MACROD2: variants seen among roughly 807,000 people sequenced by gnomAD.
MACROD2 encodes ADP-ribose glycohydrolase MACROD2.
In MACROD2, 36 loss-of-function variants were observed where a neutral mutation model predicts 70.4. The observed-to-expected ratio is 0.51, with a 90% CI of 0.39 to 0.68. MACROD2 has a LOEUF of 0.68. Ranked by LOEUF, MACROD2 falls within the 30% of genes least tolerant of loss-of-function variation. The probability of loss-of-function intolerance (pLI) is 0.00; values close to 1 mark genes in which losing one functional copy is unlikely to be tolerated. For missense variants in MACROD2, 496 were observed against 538.4 expected (o/e 0.92, Z 0.78); for synonymous variants, 172 against 178.8 (o/e 0.96, Z 0.30).
At chr20:15,675,670 A>G (rs907217006) in intron 8 of MACROD2, among the ~76,000 whole-genome samples, 1 of 152,230 alleles carries the variant, frequency 6.6e-6, no homozygotes, top group African/African-American at 2.4e-5. Context: ...GCAGTATATG[A>G]CTAAGGCACT....
intron 8 of MACROD2, among the ~76,000 whole-genome samples, chr20:15,568,315 C>T (rs2048334896): frequency 6.6e-6 from 1 of 152,194 alleles, no homozygotes; most frequent in African/African-American, 2.4e-5. Flanking sequence ...CTGTATACAA[C>T]ACATTGTTTT....
intron 2 of MACROD2, among the ~76,000 whole-genome samples, chr20:14,048,271 T>TA (rs1456961097): frequency 3.9e-5 from 6 of 152,166 alleles, no homozygotes; most frequent in Non-Finnish European, 8.8e-5. Flanking sequence ...GGAAGAAATG[T>TA]AACAATATGC....
At chr20:14,591,169 G>A (rs931438605) in intron 4 of MACROD2, among the ~76,000 whole-genome samples, 2 of 152,040 alleles carry the variant, frequency 1.3e-5, no homozygotes, top group Non-Finnish European at 2.9e-5. Context: ...TTGATTAGAG[G>A]AAAATTTTTT....
chr20:15,257,900 C>T (rs1335272854), intron 6 of MACROD2, among the ~76,000 whole-genome samples: 1 of 151,794 alleles, frequency 6.6e-6, no homozygotes, highest in Non-Finnish European at 1.5e-5. Context: ...ATGACAGCTC[C>T]CTGCGTGTTA....
chr20:15,341,707 A>G (rs2078111626), intron 6 of MACROD2, among the ~76,000 whole-genome samples: 1 of 152,182 alleles, frequency 6.6e-6, no homozygotes, highest in South Asian at 2.1e-4. Flanking sequence ...TGACTAGTAG[A>G]TTCTTACTGA....
chr20:14,530,982 C>T (rs747090945), intron 4 of MACROD2, among the ~76,000 whole-genome samples: 3 of 152,168 alleles, frequency 2.0e-5, no homozygotes, highest in Admixed American at 6.5e-5. Context: ...AGCATTTTCT[C>T]CACTTATTCT....
chr20:15,164,383 G>C (rs1002079035), intron 5 of MACROD2, among the ~76,000 whole-genome samples: 1 of 152,036 alleles, frequency 6.6e-6, no homozygotes, highest in Non-Finnish European at 1.5e-5. Flanking sequence ...GTATGAGAAG[G>C]TGGGAAGGAG....
intron 7 of MACROD2, among the ~76,000 whole-genome samples, chr20:15,446,031 G>A (rs545970070): frequency 2.0e-5 from 3 of 152,242 alleles, no homozygotes; most frequent in African/African-American, 7.2e-5. Context: ...AGAAAAGAAA[G>A]GATTTGAATT....
chr20:15,239,859 C>G (rs1343594160), intron 6 of MACROD2, among the ~76,000 whole-genome samples: 1 of 152,204 alleles, frequency 6.6e-6, no homozygotes, highest in East Asian at 1.9e-4. Context: ...TTTACCATCT[C>G]TACCCTCTCA....
chr20:14,715,292 G>T (rs1168158764), intron 5 of MACROD2, among the ~76,000 whole-genome samples: 4 of 152,128 alleles, frequency 2.6e-5, no homozygotes, highest in Non-Finnish European at 5.9e-5. Context: ...CTCCCACTGG[G>T]TCCCTCTCAC....
chr20:14,800,224 TA>T (rs1481649668), intron 5 of MACROD2, among the ~76,000 whole-genome samples: 1 of 152,040 alleles, frequency 6.6e-6, no homozygotes, highest in Non-Finnish European at 1.5e-5. Context: ...CATAAAACTT[TA>T]AAGGAGAGAA....
At chr20:14,741,473 T>A (rs2071731170) in intron 5 of MACROD2, among the ~76,000 whole-genome samples, 1 of 152,156 alleles carries the variant, frequency 6.6e-6, no homozygotes. Flanking sequence ...ACTGATTTCA[T>A]TCTACTATAT....
intron 5 of MACROD2, among the ~76,000 whole-genome samples, chr20:15,112,530 G>GA (rs2075962703): frequency 6.6e-6 from 1 of 151,338 alleles, no homozygotes; most frequent in African/African-American, 2.4e-5. Context: ...TGTTAAGAAA[G>GA]AAAAAAATGC....
chr20:14,005,120 G>A (rs1288095644), intron 2 of MACROD2, among the ~76,000 whole-genome samples: 1 of 152,068 alleles, frequency 6.6e-6, no homozygotes, highest in Admixed American at 6.5e-5. Context: ...AAGCCTTCTT[G>A]AAACAAAAGG....
At chr20:15,248,204 A>G (rs1342477366) in intron 6 of MACROD2, among the ~76,000 whole-genome samples, 1 of 152,144 alleles carries the variant, frequency 6.6e-6, no homozygotes, top group Non-Finnish European at 1.5e-5. Context: ...CCACCAGGGC[A>G]TGTCTTTTCC....
intron 5 of MACROD2, among the ~76,000 whole-genome samples, chr20:15,162,132 A>G (rs2076352850): frequency 1.3e-5 from 2 of 152,082 alleles, no homozygotes; most frequent in Admixed American, 6.6e-5. Context: ...CTAGAAGCTG[A>G]GTAATAACGG....
intron 5 of MACROD2, among the ~76,000 whole-genome samples, chr20:14,950,670 A>T (rs2074468440): frequency 6.6e-6 from 1 of 152,154 alleles, no homozygotes; most frequent in Non-Finnish European, 1.5e-5. Flanking sequence ...TTTCAAGCTT[A>T]TTCCTGGACT....
At chr20:14,146,507 C>T (rs2054945455) in intron 3 of MACROD2, among the ~76,000 whole-genome samples, 1 of 152,042 alleles carries the variant, frequency 6.6e-6, no homozygotes, top group Non-Finnish European at 1.5e-5. Flanking sequence ...GGGTAGAATT[C>T]AGCAGTTAAT....
chr20:15,222,091 T>TA (rs925703852), intron 5 of MACROD2, among the ~76,000 whole-genome samples: 1 of 152,162 alleles, frequency 6.6e-6, no homozygotes, highest in African/African-American at 2.4e-5. Flanking sequence ...AAACTAGATT[T>TA]AAAAATAACA....
Sources: gnomAD v4.1 joint callset for allele counts (sites outside exome capture counted in the v4.1 genomes callset) on GRCh38, gnomAD v4.1.1 for gene constraint, MANE v1.5 for transcripts, NCBI Gene and HGNC (gene_info 2026-07-23, HGNC 2026-07-21) for gene names.